Variants in CACNA1C observed in about 807,000 individuals in gnomAD.
CACNA1C encodes voltage-dependent L-type calcium channel subunit alpha-1C.
In CACNA1C, 30 loss-of-function variants were observed where a neutral mutation model predicts 229.0. That is an observed-to-expected ratio of 0.13 (90% CI 0.10 to 0.18). The LOEUF (loss-of-function observed/expected upper bound fraction) is 0.18. CACNA1C is among the 10% of genes least tolerant of loss of function. The pLI, the probability that CACNA1C is intolerant of heterozygous loss-of-function variation, is 1.00. For missense variants in CACNA1C, 1,658 were observed against 2,845.0 expected (o/e 0.58, Z 9.49); for synonymous variants, 1,114 against 1,132.5 (o/e 0.98, Z 0.33).
intron 3 of CACNA1C, among the ~76,000 whole-genome samples, chr12:2,232,143 G>A (rs763467368): frequency 4.0e-5 from 6 of 149,808 alleles, no homozygotes; most frequent in Non-Finnish European, 8.9e-5. Flanking sequence ...TTCTGGTGCA[G>A]ATCCAATCCA....
chr12:2,075,437 A>G (rs2062845175), intron 1 of CACNA1C, among the ~76,000 whole-genome samples: 7 of 152,218 alleles, frequency 4.6e-5, no homozygotes, highest in Middle Eastern at 3.2e-3. Flanking sequence ...TTTTACAGAG[A>G]AGAAACCTGA....
rs1012148240 is a variant in CACNA1C at position 2,601,980 on chromosome 12, C to G, written c.2960+20C>G. The G allele has an allele frequency of 2.0e-6, 3 of 1,487,106 alleles. No individual in the cohort carries two copies. The highest frequency in any genetic ancestry group is 2.8e-5 in the African/African-American group (2 of 72,434). 92.1% of individuals were successfully genotyped at this position (1,487,106 alleles called of 1,614,324 possible). A position where few individuals can be genotyped will look rare whatever the true frequency, so the allele number is the denominator to read the frequency against. On this transcript the variant is annotated intron_variant, in intron 22 of 46. Coordinates refer to ENST00000399655, the MANE Select transcript of CACNA1C (RefSeq NM_000719.7). The surrounding 1 kb of genome is among the most constrained non-coding windows in gnomAD (Gnocchi z 5.9). ...CATCCAGTGAGTGGGAGCCCCTCAG[C>G]CCACGATGGGCCATGCAGCTAGCAA...
rs2044662087 is a variant in CACNA1C at position 2,556,965 on chromosome 12, A to C, written c.1496A>C (p.Lys499Thr). 1 of 1,613,060 alleles carries C rather than the reference A, an allele frequency of 6.2e-7. No homozygotes were observed. Reference sequence around the variant, plus strand: ...TTCTTTTTCAGCCACCGGATCTCCAAGTCAAAGTTCAGGTGAGTGAGACTC... The same window carrying C: ...TTCTTTTTCAGCCACCGGATCTCCACGTCAAAGTTCAGGTGAGTGAGACTC... ...CGARLAHRIS[K>T]SKFSRYWRRW... is the part of the protein sequence containing the mutation. The change falls in exon 11 of 47, where the codon AAG becomes ACG. Residue 499 changes from lysine (K) to threonine (T), a missense_variant. Coordinates refer to ENST00000399655, the MANE Select transcript of CACNA1C (RefSeq NM_000719.7).
chr12:2,557,746 G>C (rs1423474604), intron 11 of CACNA1C, among the ~76,000 whole-genome samples: 2 of 152,124 alleles, frequency 1.3e-5, no homozygotes, highest in African/African-American at 4.8e-5. Context: ...CCCTTCCCTG[G>C]TGCTTTGCTG....
intron 29 of CACNA1C, among the ~76,000 whole-genome samples, chr12:2,627,948 C>G (rs1000102526): frequency 6.6e-6 from 1 of 152,200 alleles, no homozygotes; most frequent in Non-Finnish European, 1.5e-5. Flanking sequence ...TGGCTGCCTC[C>G]CCTGTGTTTC....
intron 1 of CACNA1C, among the ~76,000 whole-genome samples, chr12:2,057,544 G>C (rs1457221596): frequency 6.6e-6 from 1 of 152,170 alleles, no homozygotes; most frequent in Non-Finnish European, 1.5e-5. Flanking sequence ...CAAAAGACCA[G>C]TGTGTCTCCG....
intron 3 of CACNA1C, among the ~76,000 whole-genome samples, chr12:2,339,026 A>G (rs1005535161): frequency 2.6e-5 from 4 of 152,242 alleles, no homozygotes; most frequent in African/African-American, 9.6e-5. Flanking sequence ...TAATTACACA[A>G]GTACAGTCAC....
chr12:2,374,323 G>A (rs931027226), intron 3 of CACNA1C, among the ~76,000 whole-genome samples: 2 of 152,178 alleles, frequency 1.3e-5, no homozygotes, highest in African/African-American at 4.8e-5. Context: ...TTTTTATTGT[G>A]GTGGCAATTG....
chr12:2,349,944 G>A (rs1175529727), intron 3 of CACNA1C, among the ~76,000 whole-genome samples: 7 of 152,134 alleles, frequency 4.6e-5, no homozygotes, highest in African/African-American at 1.7e-4. Flanking sequence ...AGTATGTGTA[G>A]ATGTGGTTGC....
At chr12:2,336,263 G>A (rs1326067931) in intron 3 of CACNA1C, among the ~76,000 whole-genome samples, 1 of 152,156 alleles carries the variant, frequency 6.6e-6, no homozygotes, top group African/African-American at 2.4e-5. Context: ...CTATTGTATT[G>A]GTCCATCTAC....
At chr12:2,312,716 T>C (rs546540183) in intron 3 of CACNA1C, among the ~76,000 whole-genome samples, 2 of 152,298 alleles carry the variant, frequency 1.3e-5, no homozygotes, top group South Asian at 4.2e-4. Flanking sequence ...CTGTTCTGTT[T>C]TGACTTCCAT....
chr12:2,565,475 GAAAAAAAA>G (rs4016834), intron 11 of CACNA1C, among the ~76,000 whole-genome samples: 8 of 117,712 alleles, frequency 6.8e-5, no homozygotes, highest in East Asian at 5.1e-4. Context: ...CTCCGTCTCA[GAAAAAAAA>G]AAAAAAAAAA....
At chr12:2,004,269 C>G in intron 1 of CACNA1C, 1 of 1,612,860 alleles carries the variant, frequency 6.2e-7, no homozygotes, top group Non-Finnish European at 8.5e-7. Flanking sequence ...TGCTCCGCCG[C>G]GTCCGCACGC....
At chr12:2,345,924 A>G (rs1183095497) in intron 3 of CACNA1C, among the ~76,000 whole-genome samples, 5 of 152,324 alleles carry the variant, frequency 3.3e-5, no homozygotes, top group Non-Finnish European at 4.4e-5. Flanking sequence ...GAAGGGAAGT[A>G]GAAACCCACT....
At chr12:1,986,179 G>C (rs1021190516) in intron 1 of CACNA1C, among the ~76,000 whole-genome samples, 2 of 152,172 alleles carry the variant, frequency 1.3e-5, no homozygotes, top group African/African-American at 4.8e-5. Flanking sequence ...TTGGAATAAT[G>C]GTTTATATTG....
At position 2,417,165 on chromosome 12, in the gene CACNA1C, G is replaced by A. The variant is rs374167623; in HGVS notation, c.478-31811G>A. Among the ~76,000 whole-genome samples the A allele has an allele frequency of 1.2e-4, 18 of 152,318 alleles. No homozygotes were observed. In the South Asian group the frequency reaches 1.4e-3, roughly 12 times the overall value. On this transcript the variant is annotated intron_variant, in intron 3 of 46. Coordinates refer to ENST00000399655, the MANE Select transcript of CACNA1C (RefSeq NM_000719.7). ...CAGACCTAGCTCATGTCATGCTGATGTAGAAGGCCTTCTCCTAAAAGTGGC... is the reference window on the plus strand; with the variant it reads ...CAGACCTAGCTCATGTCATGCTGATATAGAAGGCCTTCTCCTAAAAGTGGC...
intron 3 of CACNA1C, among the ~76,000 whole-genome samples, chr12:2,218,464 C>T (rs2060549289): frequency 1.3e-5 from 2 of 152,114 alleles, no homozygotes; most frequent in South Asian, 4.1e-4. Context: ...TGCATAGGGG[C>T]AGAGGGGCAA....
intron 3 of CACNA1C, among the ~76,000 whole-genome samples, chr12:2,235,886 A>G (rs1319474291): frequency 1.3e-5 from 2 of 152,138 alleles, no homozygotes; most frequent in East Asian, 3.8e-4. Flanking sequence ...TGCTTACTAC[A>G]TGCCTTACCT....
At chr12:2,417,722 T>C (rs1034802041) in intron 3 of CACNA1C, among the ~76,000 whole-genome samples, 1 of 152,028 alleles carries the variant, frequency 6.6e-6, no homozygotes, top group Non-Finnish European at 1.5e-5. Context: ...CTCATCTCCT[T>C]GAAAAGGCCC....
Sources: allele counts gnomAD v4.1 joint callset (sites outside exome capture counted in the v4.1 genomes callset), GRCh38; gene constraint gnomAD v4.1.1; non-coding constraint Gnocchi (gnomAD v3.1); transcripts MANE v1.5; gene names NCBI Gene and HGNC (gene_info 2026-07-23, HGNC 2026-07-21).